MDGA2: variants seen among roughly 807,000 people sequenced by gnomAD.
MDGA2 encodes MAM domain containing glycosylphosphatidylinositol anchor 2, also known as MAM domain-containing glycosylphosphatidylinositol anchor protein 2.
Under a neutral mutation model 117.8 loss-of-function variants are expected in MDGA2, and 40 were observed. That is an observed-to-expected ratio of 0.34 (90% CI 0.26 to 0.44). MDGA2 has a LOEUF of 0.44. MDGA2 is among the 20% of genes least tolerant of loss of function. MDGA2 has a pLI of 1.00. For synonymous variants in MDGA2, 452 were observed against 439.0 expected (o/e 1.03, Z -0.37); for missense variants, 1,123 against 1,250.6 (o/e 0.90, Z 1.54).
chr14:47,499,860 T>C (rs1894363236), intron 1 of MDGA2, among the ~76,000 whole-genome samples: 1 of 152,170 alleles, frequency 6.6e-6, no homozygotes, highest in African/African-American at 2.4e-5. Context: ...ACTATAATTG[T>C]GCATTCTCTC....
intron 3 of MDGA2, among the ~76,000 whole-genome samples, chr14:47,171,873 A>T (rs1346330132): frequency 6.6e-6 from 1 of 152,226 alleles, no homozygotes; most frequent in East Asian, 1.9e-4. Flanking sequence ...ACAAGGGGTC[A>T]GGGAGTTCCC....
At chr14:47,577,032 C>A (rs10438103) in intron 1 of MDGA2, among the ~76,000 whole-genome samples, 1 of 151,988 alleles carries the variant, frequency 6.6e-6, no homozygotes, top group Non-Finnish European at 1.5e-5. Context: ...ATTACAAGCA[C>A]GAGCCACCAT....
intron 1 of MDGA2, among the ~76,000 whole-genome samples, chr14:47,374,473 T>C (rs1033493685): frequency 1.3e-5 from 2 of 152,114 alleles, no homozygotes; most frequent in African/African-American, 4.8e-5. Context: ...GGGCTCCTGA[T>C]ACTCTTGGAT....
rs1235322832 is a variant in MDGA2 at position 47,059,163 on chromosome 14, AT to A, written c.1525+2085del. On this transcript the variant is annotated intron_variant, in intron 7 of 16. Transcript: ENST00000399232. ...TGAAAGGTGTATGCATAAATTAGTC[AT>A]TTTGTTAGTTAATAATTATCTGTTT... 3 of 818,102 alleles carry A rather than the reference AT, an allele frequency of 3.7e-6. No individual in the cohort carries two copies. In the African/African-American group the frequency reaches 5.5e-5, roughly 15 times the overall value. The allele number at this position is 818,102 out of a possible 1,614,324, so 50.7% of individuals were successfully genotyped here.
At chr14:47,543,577 G>C (rs1895395898) in intron 1 of MDGA2, among the ~76,000 whole-genome samples, 1 of 152,170 alleles carries the variant, frequency 6.6e-6, no homozygotes, top group South Asian at 2.1e-4. Context: ...CAATTTTCTA[G>C]TTTTTCCACA....
rs1336851330 is a variant in MDGA2, at chr14:47,272,452, T to C, written c.420+28959A>G. On this transcript the variant is annotated intron_variant, in intron 2 of 16. Transcript: ENST00000399232. ...AATCATGGTCAAGAGAAGAAGAAGA[T>C]GGGAGGGGGAGTTGAAAGACGAAGG... Among the ~76,000 whole-genome samples, 4 of 152,182 alleles carry C rather than the reference T, an allele frequency of 2.6e-5. No homozygotes were observed. The East Asian group carries it at 5.8e-4, about 22-fold the overall frequency.
In MDGA2 at chr14:47,218,169, A is replaced by T; in HGVS notation, c.447T>A (p.Ser149Arg). The T allele has an allele frequency of 6.5e-7, 1 of 1,549,470 alleles. No individual in the cohort carries two copies. The highest frequency in any genetic ancestry group is 8.7e-7 in the Non-Finnish European group (1 of 1,145,748). Residue 149 changes from serine to arginine, a missense_variant, in exon 3 of 17, where the codon AGT becomes AGA. This residue lies in a region of MDGA2 where 233 missense variants were observed against 200.3 expected (regional missense o/e 1.16). Transcript: ENST00000399232. ...TTGAGTCTTGGAATCTGTCAGAGGC[A>T]CTTCCTGCTGTTTTGGTCCACCTGA... ...PQIRWTKTAG[S>R]ASDRFQDSSV...
chr14:47,490,968 C>T (rs761139224), intron 1 of MDGA2, among the ~76,000 whole-genome samples: 8 of 152,060 alleles, frequency 5.3e-5, no homozygotes, highest in Middle Eastern at 3.4e-3. Context: ...AGATTGCTGT[C>T]GAAAGTCCTC....
intron 8 of MDGA2, among the ~76,000 whole-genome samples, chr14:47,025,670 A>G (rs1322086905): frequency 1.3e-5 from 2 of 151,634 alleles, no homozygotes; most frequent in Non-Finnish European, 2.9e-5. Flanking sequence ...TAGCCTCTAA[A>G]CACCATACAA....
At chr14:46,877,433 T>C in intron 12 of MDGA2, 56 bp downstream of exon 12, 2 of 991,054 alleles carry the variant, frequency 2.0e-6, no homozygotes, top group South Asian at 3.6e-5. Flanking sequence ...TTTATAAACA[T>C]TATATTTTTG....
intron 2 of MDGA2, among the ~76,000 whole-genome samples, chr14:47,266,940 T>A (rs533486878): frequency 1.4e-4 from 21 of 152,298 alleles, no homozygotes; most frequent in African/African-American, 4.8e-4. Context: ...TAATTCATAA[T>A]TTTCCTGTTC....
At chr14:47,535,736 T>C (rs1895197620) in intron 1 of MDGA2, among the ~76,000 whole-genome samples, 1 of 152,250 alleles carries the variant, frequency 6.6e-6, no homozygotes, top group Admixed American at 6.5e-5. Flanking sequence ...TCATCTTCTT[T>C]AACTTCCAGT....
At chr14:47,645,177 A>C (rs1897502450) in intron 1 of MDGA2, among the ~76,000 whole-genome samples, 1 of 152,184 alleles carries the variant, frequency 6.6e-6, no homozygotes, top group South Asian at 2.1e-4. Context: ...TTACAGCAGC[A>C]ATAAGAAACT....
intron 1 of MDGA2, among the ~76,000 whole-genome samples, chr14:47,406,673 C>T (rs1292413578): frequency 6.6e-6 from 1 of 151,974 alleles, no homozygotes; most frequent in South Asian, 2.1e-4. Flanking sequence ...GACTTAATGG[C>T]TACTGATAGA....
chr14:47,564,286 C>T (rs954614412), intron 1 of MDGA2, among the ~76,000 whole-genome samples: 1 of 152,034 alleles, frequency 6.6e-6, no homozygotes, highest in Admixed American at 6.6e-5. Context: ...CTGAATTTGA[C>T]TGTTGATGTA....
chr14:46,923,076 T>C (rs550228480), intron 9 of MDGA2, among the ~76,000 whole-genome samples: 44 of 152,310 alleles, frequency 2.9e-4, no homozygotes, highest in African/African-American at 9.6e-4. Flanking sequence ...TACCCTGAAG[T>C]TGAAAAACAG....
intron 1 of MDGA2, among the ~76,000 whole-genome samples, chr14:47,404,143 T>C (rs915557630): frequency 5.9e-5 from 9 of 152,040 alleles, no homozygotes; most frequent in Non-Finnish European, 1.2e-4. Flanking sequence ...TCATCAGCCA[T>C]GAACATAGCA....
intron 1 of MDGA2, among the ~76,000 whole-genome samples, chr14:47,426,643 C>G (rs1046295109): frequency 3.4e-5 from 5 of 149,224 alleles, no homozygotes; most frequent in Admixed American, 2.0e-4. Context: ...AAAAGCATCT[C>G]TGTGTGTGAT....
chr14:47,394,019 A>G (rs1381106776), intron 1 of MDGA2, among the ~76,000 whole-genome samples: 1 of 152,144 alleles, frequency 6.6e-6, no homozygotes, highest in Non-Finnish European at 1.5e-5. Context: ...CTCCAAATAC[A>G]AAATTGCTTG....
Sources: allele counts gnomAD v4.1 joint callset (sites outside exome capture counted in the v4.1 genomes callset), GRCh38; gene constraint gnomAD v4.1.1; regional missense constraint gnomAD v4.1.1; transcripts MANE v1.5; gene names NCBI Gene and HGNC (gene_info 2026-07-23, HGNC 2026-07-21).